Variants in MAP2K5 observed in about 807,000 individuals in gnomAD.
The protein encoded by MAP2K5 is mitogen-activated protein kinase kinase 5, also known as dual specificity mitogen-activated protein kinase kinase 5.
MAP2K5 carries 49 observed loss-of-function variants against 83.1 expected under a neutral mutation model. That is an observed-to-expected ratio of 0.59 (90% CI 0.47 to 0.75). The LOEUF is 0.75. MAP2K5 is among the 30% of genes least tolerant of loss of function. The pLI is 0.00. For synonymous variants in MAP2K5, 202 were observed against 191.8 expected, an observed-to-expected ratio of 1.05 and a Z score of -0.44; for missense variants, 457 against 557.5, an observed-to-expected ratio of 0.82 and a Z score of 1.82.
chr15:67,645,408 G>A (rs972019240), intron 9 of MAP2K5, among the ~76,000 whole-genome samples: 12 of 147,744 alleles, frequency 8.1e-5, no homozygotes, highest in Admixed American at 3.4e-4. Flanking sequence ...AGTCTGGGAG[G>A]CAGAGATTGC....
chr15:67,621,201 G>A (rs2086176330), intron 8 of MAP2K5, among the ~76,000 whole-genome samples: 1 of 151,980 alleles, frequency 6.6e-6, no homozygotes, highest in South Asian at 2.1e-4. Flanking sequence ...TATTACTAGA[G>A]AAATGTTATG....
chr15:67,670,405 A>G (rs1348823028), intron 13 of MAP2K5: 4 of 455,640 alleles, frequency 8.8e-6, no homozygotes, highest in South Asian at 1.6e-5. Context: ...TTACATGGTT[A>G]TATGTGTTTT....
At position 67,806,666 on chromosome 15, in the gene MAP2K5, G is replaced by T. The variant is rs2090815322; in HGVS notation, c.1263G>T (p.Gln421His). 6.4e-7 allele frequency: 1 copy of T among 1,551,144 alleles called. No homozygotes were observed. Residue 421 changes from glutamine (Q) to histidine (H), a missense_variant, in exon 22 of 22, where the codon CAG becomes CAT. By Grantham distance (24) the Gln-to-His change is conservative. Around this residue, in one of 3 missense-constraint regions of MAP2K5, gnomAD observed 55 missense variants for 50.9 expected, o/e 1.08. Transcript: ENST00000178640. ...EELMGHPFIV[Q>H]FNDGNAAVVS... is the part of the protein sequence containing the mutation. ...CGCAGGGCCACCCGTTCATCGTGCAGTTCAATGATGGAAATGCCGCCGTGG... is the reference window on the plus strand; with the variant it reads ...CGCAGGGCCACCCGTTCATCGTGCATTTCAATGATGGAAATGCCGCCGTGG...
chr15:67,596,991 G>A (rs1279994714), intron 7 of MAP2K5, among the ~76,000 whole-genome samples: 1 of 151,924 alleles, frequency 6.6e-6, no homozygotes. Flanking sequence ...CTAACATGGT[G>A]AAACCCCATC....
chr15:67,546,509 C>A, intron 1 of MAP2K5: 1 of 816,524 alleles, frequency 1.2e-6, no homozygotes, highest in Non-Finnish European at 1.5e-6. Flanking sequence ...GCAAGTCAGT[C>A]GGTCTCTCTG....
intron 9 of MAP2K5, among the ~76,000 whole-genome samples, chr15:67,639,304 G>A (rs2086664542): frequency 6.6e-6 from 1 of 152,124 alleles, no homozygotes; most frequent in Non-Finnish European, 1.5e-5. Context: ...TGTCAGACAT[G>A]TATACCAGCT....
intron 3 of MAP2K5, among the ~76,000 whole-genome samples, chr15:67,570,422 T>C (rs1044628063): frequency 1.3e-5 from 2 of 152,226 alleles, no homozygotes; most frequent in Admixed American, 6.5e-5. Context: ...TCAAGTCTTT[T>C]AAGGAAAAGC....
rs2085308990 is a variant in MAP2K5 at position 67,587,211 on chromosome 15, G to C, written c.431+298G>C. ...GAGAAGGAGCTCAGCATGTTTGTGA[G>C]TAGGCCAGTTTGGCACAGGGAGGGG... is the stretch of plus-strand genomic sequence containing the variant. On this transcript the variant is annotated intron_variant, in intron 6 of 21. Coordinates refer to ENST00000178640, the MANE Select transcript of MAP2K5 (RefSeq NM_145160.3). This position sits in a 1 kb window ranked among gnomAD's most constrained non-coding sequence, Gnocchi z 4.8. Among the ~76,000 whole-genome samples the C allele has an allele frequency of 6.6e-6, 1 of 152,172 alleles. No individual in the cohort carries two copies. The highest frequency in any genetic ancestry group is 1.5e-5 in the Non-Finnish European group (1 of 68,040).
intron 1 of MAP2K5, among the ~76,000 whole-genome samples, chr15:67,544,010 A>G (rs967770002): frequency 6.6e-6 from 1 of 152,232 alleles, no homozygotes; most frequent in African/African-American, 2.4e-5. Context: ...TCCTGGGCTC[A>G]AGCGATTCTC....
At chr15:67,653,749 CCTT>C (rs1475673329) in intron 11 of MAP2K5, among the ~76,000 whole-genome samples, 1 of 150,804 alleles carries the variant, frequency 6.6e-6, no homozygotes, top group Non-Finnish European at 1.5e-5. Context: ...TTGATGTTCT[CCTT>C]CTGTTTAAGG....
intron 13 of MAP2K5, among the ~76,000 whole-genome samples, chr15:67,682,000 A>C (rs1267260554): frequency 6.6e-6 from 1 of 152,220 alleles, no homozygotes. Context: ...TGCTTACAGA[A>C]GAAAGGCTGT....
intron 8 of MAP2K5, chr15:67,628,392 A>G: frequency 1.9e-6 from 1 of 538,400 alleles, no homozygotes; most frequent in Non-Finnish European, 3.3e-6. Flanking sequence ...AGGCAGGAGC[A>G]TTGCTTGAAC....
rs888004040 is a variant in MAP2K5 at position 67,793,412 on chromosome 15, T to G, written c.1243-13234T>G. Among the ~76,000 whole-genome samples, 2 of 152,206 alleles carry G rather than the reference T, an allele frequency of 1.3e-5. No homozygotes were observed. Among genetic ancestry groups the G allele is most frequent in the Admixed American group, 1.3e-4 (2 of 15,276 alleles). On this transcript the variant is annotated intron_variant, in intron 21 of 21. Transcript: ENST00000178640. This position sits in a 1 kb window ranked among gnomAD's most constrained non-coding sequence, Gnocchi z 4.6. ...CTAGGCTGGTTGACCCCAAGCTGGT[T>G]TTTTGTTTTTGTTGTATAGTTTTGC... is the stretch of plus-strand genomic sequence containing the variant.
rs899297150 is a variant in MAP2K5, at chr15:67,644,801, G to A, written c.586-1430G>A. 2.6e-5 allele frequency among the ~76,000 whole-genome samples: 4 copies of A among 151,968 alleles called. No homozygotes were observed. Among genetic ancestry groups the A allele is most frequent in the Non-Finnish European group, 5.9e-5 (4 of 67,982 alleles). On this transcript the variant is annotated intron_variant, in intron 9 of 21. Coordinates refer to ENST00000178640, the MANE Select transcript of MAP2K5 (RefSeq NM_145160.3). The surrounding 1 kb of genome is among the most constrained non-coding windows in gnomAD (Gnocchi z 4.6). The stretch of plus-strand genomic sequence containing the variant: ...ACATTACCTGACTGGAAAAAAAAAA[G>A]ATGATATATTTTTAAAATTCCTTAT...
rs2088084013 is a variant in MAP2K5, at chr15:67,690,638, A to G, written c.848-1841A>G. On this transcript the variant is annotated intron_variant, in intron 13 of 21. Transcript: ENST00000178640. The surrounding 1 kb of genome is among the most constrained non-coding windows in gnomAD (Gnocchi z 4.3). ...AACCTCTGTTTCCCAGGTTGAAGCA[A>G]TTCTCCTCCCTCAGCCTCCCGAGTA... 6.6e-6 allele frequency among the ~76,000 whole-genome samples: 1 copy of G among 151,816 alleles called. No individual in the cohort carries two copies. Among genetic ancestry groups the G allele is most frequent in the African/African-American group, 2.4e-5 (1 of 41,290 alleles).
chr15:67,663,649 G>T (rs2087296585), intron 12 of MAP2K5, among the ~76,000 whole-genome samples: 1 of 152,130 alleles, frequency 6.6e-6, no homozygotes, highest in Non-Finnish European at 1.5e-5. Flanking sequence ...GAGGCAGGAG[G>T]ATCCCTTGAG....
In MAP2K5 at chr15:67,775,624, A is replaced by C. The variant is rs1349999817; in HGVS notation, c.1242+2872A>C. Among the ~76,000 whole-genome samples, 5 of 152,268 alleles carry C rather than the reference A, an allele frequency of 3.3e-5. No individual in the cohort carries two copies. In the East Asian group the frequency reaches 9.6e-4, roughly 29 times the overall value. On this transcript the variant is annotated intron_variant, in intron 21 of 21. Transcript: ENST00000178640. This position sits in a 1 kb window ranked among gnomAD's most constrained non-coding sequence, Gnocchi z 5.3. Reference sequence around the variant, plus strand: ...TTTTGGAGCTATAGCAAGTATACAAATAACTAGAATGAAGTAACTAGTATA... The same window carrying C: ...TTTTGGAGCTATAGCAAGTATACAACTAACTAGAATGAAGTAACTAGTATA...
rs1038636476 is a variant in MAP2K5, at chr15:67,758,749, C to G, written c.1134+10148C>G. Among the ~76,000 whole-genome samples the G allele has an allele frequency of 1.3e-5, 2 of 152,116 alleles. No homozygotes were observed. Among genetic ancestry groups the G allele is most frequent in the Non-Finnish European group, 2.9e-5 (2 of 68,012 alleles). ...AACCTTTGTGGTTTACACAGTGTTTCCTGTCACATTCTTTCCCCACAACAC... is the reference window on the plus strand; with the variant it reads ...AACCTTTGTGGTTTACACAGTGTTTGCTGTCACATTCTTTCCCCACAACAC... On this transcript the variant is annotated intron_variant, in intron 19 of 21. Transcript: ENST00000178640. The surrounding 1 kb of genome is among the most constrained non-coding windows in gnomAD (Gnocchi z 4.7).
intron 2 of MAP2K5, among the ~76,000 whole-genome samples, chr15:67,554,336 G>T (rs957567950): frequency 4.6e-5 from 7 of 152,164 alleles, no homozygotes; most frequent in Non-Finnish European, 7.4e-5. Flanking sequence ...TGGGATTACA[G>T]GTGTGAGCCA....
Sources: allele counts gnomAD v4.1 joint callset (sites outside exome capture counted in the v4.1 genomes callset), GRCh38; gene constraint gnomAD v4.1.1; regional missense constraint gnomAD v4.1.1; non-coding constraint Gnocchi (gnomAD v3.1); transcripts MANE v1.5; gene names NCBI Gene and HGNC (gene_info 2026-07-23, HGNC 2026-07-21).